Variants in LTK observed in about 807,000 individuals in gnomAD.
The protein encoded by LTK is leukocyte tyrosine kinase receptor.
Under a neutral mutation model 101.5 loss-of-function variants are expected in LTK, and 117 were observed. The ratio of observed to expected loss-of-function variants is 1.15; its 90% CI spans 0.99 to 1.34. The LOEUF (loss-of-function observed/expected upper bound fraction) is 1.34, where lower values mean the gene tolerates loss of function less well. Ranked by LOEUF, LTK falls within the 40% of genes most tolerant of loss-of-function variation. The pLI is 0.00. For missense variants in LTK, 1,252 were observed against 1,164.7 expected (o/e 1.07, Z -1.09); for synonymous variants, 563 against 494.2 (o/e 1.14, Z -1.85).
rs768741283 is a variant in LTK at position 41,504,142 on chromosome 15, G to A, written c.2449C>T (p.Pro817Ser). 2.3e-5 allele frequency: 37 copies of A among 1,613,916 alleles called. No individual in the cohort carries two copies. Among genetic ancestry groups the A allele is most frequent in the Non-Finnish European group, 5.1e-6 (6 of 1,180,000 alleles). Residue 817 changes from proline to serine, a missense_variant, in exon 20 of 20, where the codon CCC becomes TCC. Coordinates refer to ENST00000263800, the MANE Select transcript of LTK (RefSeq NM_002344.6). ...GGACTCAGTTCCTGGGGCTGTGGGG[G>A]TCTTAGGCACTCCAAAGATCTGTTC... is the stretch of plus-strand genomic sequence containing the variant. The part of the protein sequence containing the change: ...LGNRSLECLR[P>S]PQPQELSPEK...
chr15:41,508,440 C>T (rs2051355415), intron 8 of LTK, among the ~76,000 whole-genome samples: 1 of 83,880 alleles, frequency 1.2e-5, no homozygotes, highest in Non-Finnish European at 2.2e-5. Flanking sequence ...CGCCTGCAAT[C>T]CCAGCTACTC....
Position 41,505,968 on chromosome 15 carries a change from C to T in LTK, c.1579G>A (p.Gly527Arg), listed in dbSNP as rs1167444051. The T allele has an allele frequency of 3.1e-6, 5 of 1,613,856 alleles. No homozygotes were observed. Among genetic ancestry groups the T allele is most frequent in the Non-Finnish European group, 4.2e-6 (5 of 1,179,924 alleles). ...TCCCCAGGAAGGCCAATTACCAGTC[C>T]CTCATACACCTCCCCAAAGGCACCA... is the stretch of plus-strand genomic sequence containing the variant. ...GHGAFGEVYE[G>R]LVIGLPGDSS... Residue 527 changes from glycine (G) to arginine (R), a missense_variant, in exon 12 of 20, where the codon GGA (glycine) becomes AGA (arginine). Physicochemically the swap from Gly to Arg is moderately radical, Grantham distance 125. Coordinates refer to ENST00000263800, the MANE Select transcript of LTK (RefSeq NM_002344.6).
Position 41,505,083 on chromosome 15 carries a change from A to G in LTK, c.1926-19T>C. 1.2e-6 allele frequency: 2 copies of G among 1,602,132 alleles called. No individual in the cohort carries two copies. The highest frequency in any genetic ancestry group is 1.7e-6 in the Non-Finnish European group (2 of 1,172,468). On this transcript the variant is annotated intron_variant, in intron 15 of 19. Coordinates refer to ENST00000263800, the MANE Select transcript of LTK (RefSeq NM_002344.6). ...AATATCCCTACAGAGTAGGCAAAAAAAATCACTGCCAGAATCTAGAAGTTC... is the reference window on the plus strand; with the variant it reads ...AATATCCCTACAGAGTAGGCAAAAAGAATCACTGCCAGAATCTAGAAGTTC...
Position 41,504,491 on chromosome 15 carries a change from C to T in LTK, c.2255+15G>A. On this transcript the variant is annotated intron_variant, in intron 18 of 19. Coordinates refer to ENST00000263800, the MANE Select transcript of LTK (RefSeq NM_002344.6). The stretch of plus-strand genomic sequence containing the variant: ...GTTGTGAAGGACCTCCCTTCCCGGG[C>T]AGCACTCAACTCACACAGGCCCTGG... 6.2e-7 allele frequency: 1 copy of T among 1,612,964 alleles called. No homozygotes were observed. Among genetic ancestry groups the T allele is most frequent in the Non-Finnish European group, 8.5e-7 (1 of 1,179,382 alleles).
rs1566862722 is a variant in LTK, at chr15:41,504,804, CCAGGAAGGCCTCTGGGG to C, written c.2072_2088del (p.Pro691ArgfsTer50). ...TCTGTCTTGGATGTGAAGATGCCCT[CCAGGAAGGCCTCTGGGG>C]GCATCCACTTGACTGGGAGCAAGGC... On this transcript the variant is annotated frameshift_variant, in exon 17 of 20. Transcript: ENST00000263800. LOFTEE classifies it high-confidence loss of function. The C allele has an allele frequency of 6.2e-7, 1 of 1,613,152 alleles. No homozygotes were observed. Among genetic ancestry groups the C allele is most frequent in the Non-Finnish European group, 8.5e-7 (1 of 1,179,810 alleles).
Position 41,511,049 on chromosome 15 carries a change from C to T in LTK, c.997+115G>A, listed in dbSNP as rs2051439988. ...CTGCTTTTTGTTTGGAGCTGCTGAG[C>T]AGGGCTTAATGCCTCTCCCACACCT... On this transcript the variant is annotated intron_variant, in intron 7 of 19. Coordinates refer to ENST00000263800, the MANE Select transcript of LTK (RefSeq NM_002344.6). The surrounding 1 kb of genome is among the most constrained non-coding windows in gnomAD (Gnocchi z 5.9). 2 of 1,249,466 alleles carry T rather than the reference C, an allele frequency of 1.6e-6. No homozygotes were observed. The highest frequency in any genetic ancestry group is 2.0e-6 in the Non-Finnish European group (2 of 990,392). The allele number at this position is 1,249,466 out of a possible 1,614,324, so 77.4% of individuals were successfully genotyped here.
chr15:41,512,134 C>T lies in LTK; in HGVS notation c.491G>A (p.Gly164Glu), dbSNP rs764115859. 3.7e-6 allele frequency: 6 copies of T among 1,610,800 alleles called. No individual in the cohort carries two copies. The highest frequency in any genetic ancestry group is 1.7e-5 in the Admixed American group (1 of 59,722). The part of the protein sequence containing the change: ...ESLYILVGQQ[G>E]EDACPGGSPE... ...GCTCACTCCGGGACAGGCGTCCTCTCCCTGCTGCCCCACCAGGATGTACAG... is the reference window on the plus strand; with the variant it reads ...GCTCACTCCGGGACAGGCGTCCTCTTCCTGCTGCCCCACCAGGATGTACAG... The change falls in exon 4 of 20, where the codon GGA becomes GAA. Residue 164 changes from glycine to glutamate, a missense_variant. Gly to Glu is a moderately conservative substitution (Grantham distance 98, BLOSUM62 -2). Transcript: ENST00000263800.
At chr15:41,512,413 G>T in intron 3 of LTK, 148 bp from the exon 4 acceptor site, 2 of 946,392 alleles carry the variant, frequency 2.1e-6, no homozygotes, top group Non-Finnish European at 3.1e-6. Context: ...GGAAGGGTAG[G>T]TTTGCACACC....
chr15:41,508,317 A>C, intron 8 of LTK, 96 bp from the exon 9 acceptor site: 1 of 1,092,490 alleles, frequency 9.2e-7, no homozygotes, highest in Non-Finnish European at 1.3e-6. Flanking sequence ...GCCTATAATC[A>C]TTGCACTTTG....
chr15:41,512,284 G>A lies in LTK; in HGVS notation c.360-19C>T, dbSNP rs1426693891. On this transcript the variant is annotated intron_variant, in intron 3 of 19. Coordinates refer to ENST00000263800, the MANE Select transcript of LTK (RefSeq NM_002344.6). ...TGAGATCCTGCGGGGAACGGACGGT[G>A]AGTCCCCGGCCTTCGGTGCTCAGGC... The A allele has an allele frequency of 1.2e-6, 2 of 1,608,012 alleles. No homozygotes were observed. The highest frequency in any genetic ancestry group is 1.7e-6 in the Non-Finnish European group (2 of 1,177,112).
At chr15:41,507,483 C>T (rs534348904) in intron 10 of LTK, 79 bp downstream of exon 10, 34 of 1,568,260 alleles carry the variant, frequency 2.2e-5, no homozygotes, top group East Asian at 1.7e-4. Context: ...AAGTCAGCCC[C>T]GGGACCCCGC....
At chr15:41,504,292 C>T in intron 19 of LTK, 48 bp from the exon 20 acceptor site, 1 of 1,610,278 alleles carries the variant, frequency 6.2e-7, no homozygotes, top group South Asian at 1.1e-5. Flanking sequence ...TTTTCTGGCC[C>T]TCCCTCCTGA....
Position 41,511,178 on chromosome 15 carries a change from C to A in LTK, c.983G>T (p.Gly328Val). The A allele has an allele frequency of 5.7e-6, 8 of 1,402,352 alleles. No individual in the cohort carries two copies. Among genetic ancestry groups the A allele is most frequent in the Non-Finnish European group, 6.4e-6 (7 of 1,087,078 alleles). The allele number at this position is 1,402,352 out of a possible 1,614,324, so 86.9% of individuals were successfully genotyped here. Residue 328 changes from glycine (G) to valine (V), a missense_variant, in exon 7 of 20, where the codon GGC becomes GTC. Gly to Val is a moderately radical substitution (Grantham distance 109). Coordinates refer to ENST00000263800, the MANE Select transcript of LTK (RefSeq NM_002344.6). This position sits in a 1 kb window ranked among gnomAD's most constrained non-coding sequence, Gnocchi z 5.9. ...GGTGCACCTACCCCTGTAGCCGCCG[C>A]CGCCTCCGCCCGCAGTGCAGGCCCC... The part of the protein sequence containing the change: ...GGGACTAGGG[G>V]GGYRGGDASE...
rs373977718 is a variant in LTK at position 41,505,426 on chromosome 15, A to T, written c.1802T>A (p.Phe601Tyr). 100 of 1,613,936 alleles carry T rather than the reference A, an allele frequency of 6.2e-5. No homozygotes were observed. The highest frequency in any genetic ancestry group is 8.3e-5 in the Non-Finnish European group (98 of 1,179,990). Residue 601 changes from phenylalanine (F) to tyrosine (Y), a missense_variant, in exon 14 of 20, where the codon TTC (phenylalanine) becomes TAC (tyrosine). By Grantham distance (22) the Phe-to-Tyr change is conservative. Coordinates refer to ENST00000263800, the MANE Select transcript of LTK (RefSeq NM_002344.6). The stretch of plus-strand genomic sequence containing the variant: ...CAGGTGTGGCCGACTGTGCCTCAGG[A>T]AACTCTTCATGTCCCCTCCAGACAT... Reference protein sequence around the residue: ...ELMSGGDMKSFLRHSRPHLGQ... With the variant: ...ELMSGGDMKSYLRHSRPHLGQ...
Position 41,507,576 on chromosome 15 carries a change from C to T in LTK, c.1331G>A (p.Gly444Glu), listed in dbSNP as rs753916182. ...TSTLSLLMVC[G>E]VLILVKQKKW... The stretch of plus-strand genomic sequence containing the variant: ...ACGCTTCGTACCCAGAATCAGGACC[C>T]CACACACCATAAGGAGGCTCAGTGT... The change falls in exon 10 of 20, where the codon GGG becomes GAG. Residue 444 changes from glycine to glutamate, a missense_variant. By Grantham distance (98) the Gly-to-Glu change is moderately conservative. Coordinates refer to ENST00000263800, the MANE Select transcript of LTK (RefSeq NM_002344.6). 6.2e-6 allele frequency: 10 copies of T among 1,613,734 alleles called. No individual in the cohort carries two copies. The South Asian group carries it at 9.9e-5, about 16-fold the overall frequency.
intron 8 of LTK, 78 bp from the exon 9 acceptor site, chr15:41,508,299 T>C (rs1307909649): frequency 1.6e-6 from 2 of 1,285,036 alleles, no homozygotes; most frequent in Non-Finnish European, 2.2e-6. Flanking sequence ...CTGGGTACAG[T>C]GGCACACGCC....
rs1239943055 is a variant in LTK, at chr15:41,511,807, G to A, written c.657+10C>T. 3 of 1,490,284 alleles carry A rather than the reference G, an allele frequency of 2.0e-6. No homozygotes were observed. The African/African-American group carries it at 4.5e-5, about 22-fold the overall frequency. The allele number at this position is 1,490,284 out of a possible 1,614,324, so 92.3% of individuals were successfully genotyped here. Reference sequence around the variant, plus strand: ...GGACCCCAACGCTGAGCGCCGAAGGGAGCACGTACCCGGAAAACGTAGGTG... The same window carrying A: ...GGACCCCAACGCTGAGCGCCGAAGGAAGCACGTACCCGGAAAACGTAGGTG... On this transcript the variant is annotated intron_variant, in intron 5 of 19. Coordinates refer to ENST00000263800, the MANE Select transcript of LTK (RefSeq NM_002344.6). This position sits in a 1 kb window ranked among gnomAD's most constrained non-coding sequence, Gnocchi z 5.9.
intron 4 of LTK, 25 bp downstream of exon 4, chr15:41,512,090 C>A (rs1867418): frequency 6.4e-7 from 1 of 1,568,408 alleles, no homozygotes; most frequent in South Asian, 1.1e-5. Flanking sequence ...GCCGGCGCCG[C>A]CCCATCCCCA....
intron 4 of LTK, 69 bp downstream of exon 4, chr15:41,512,046 C>G: frequency 6.7e-7 from 1 of 1,488,458 alleles, no homozygotes; most frequent in Non-Finnish European, 8.9e-7. Flanking sequence ...GGAAAGCACG[C>G]TCCCCCGGCC....
Sources: gnomAD v4.1 joint callset for allele counts (sites outside exome capture counted in the v4.1 genomes callset) on GRCh38, gnomAD v4.1.1 for gene constraint, Gnocchi (gnomAD v3.1) non-coding constraint, MANE v1.5 for transcripts, NCBI Gene and HGNC (gene_info 2026-07-23, HGNC 2026-07-21) for gene names.